The following ATP6V1H variants were observed in gnomAD, a reference collection of about 807,000 sequenced individuals.
ATP6V1H encodes the protein V-type proton ATPase subunit H.
A neutral mutation model predicts 71.7 loss-of-function variants in ATP6V1H; 39 were observed. That is an observed-to-expected ratio of 0.54 (90% CI 0.42 to 0.71). The LOEUF (loss-of-function observed/expected upper bound fraction) is 0.71, where lower values mean the gene tolerates loss of function less well. Ranked by LOEUF, ATP6V1H falls within the 30% of genes least tolerant of loss-of-function variation. ATP6V1H has a pLI of 0.00. For synonymous variants in ATP6V1H, 192 were observed against 199.3 expected (o/e 0.96, Z 0.31); for missense variants, 509 against 594.9 (o/e 0.86, Z 1.50).
chr8:53,823,380 C>T (rs1466355719), intron 4 of ATP6V1H, among the ~76,000 whole-genome samples: 1 of 151,938 alleles, frequency 6.6e-6, no homozygotes, highest in African/African-American at 2.4e-5. Context: ...AAAGGGAACG[C>T]AGAAACTGGA....
chr8:53,747,068 A>C (rs1807627266), intron 12 of ATP6V1H, among the ~76,000 whole-genome samples: 1 of 152,248 alleles, frequency 6.6e-6, no homozygotes, highest in African/African-American at 2.4e-5. Context: ...ACTTTTAAAT[A>C]TTCTAAAACA....
chr8:53,833,292 T>C, intron 2 of ATP6V1H: 1 of 519,276 alleles, frequency 1.9e-6, no homozygotes, highest in Non-Finnish European at 3.4e-6. Context: ...AGTTAATTTA[T>C]CTGCAAAATG....
chr8:53,820,444 G>T (rs867240826), intron 4 of ATP6V1H, among the ~76,000 whole-genome samples: 2 of 151,260 alleles, frequency 1.3e-5, no homozygotes, highest in Non-Finnish European at 1.5e-5. Context: ...CCAAAAGAAA[G>T]TCATCTATTA....
In ATP6V1H at chr8:53,728,895, T is replaced by A. The variant is rs545174128; in HGVS notation, c.1392-12871A>T. ...CAACACACTGTGCTGTCATTTTCTGTACTTGTTGGTCCTCCCACTAACAGA... is the reference window on the plus strand; with the variant it reads ...CAACACACTGTGCTGTCATTTTCTGAACTTGTTGGTCCTCCCACTAACAGA... On this transcript the variant is annotated intron_variant, in intron 13 of 13. Transcript: ENST00000359530. Among the ~76,000 whole-genome samples the A allele has an allele frequency of 2.0e-5, 3 of 152,370 alleles. No individual in the cohort carries two copies. In the South Asian group the frequency reaches 6.2e-4, roughly 32 times the overall value.
intron 4 of ATP6V1H, among the ~76,000 whole-genome samples, chr8:53,818,760 C>T (rs1324183043): frequency 2.0e-5 from 3 of 152,052 alleles, no homozygotes; most frequent in African/African-American, 7.2e-5. Context: ...ATAAGCAATT[C>T]TGTCCAAAAG....
chr8:53,772,216 T>C, intron 9 of ATP6V1H, 49 bp from the exon 10 acceptor site: 1 of 1,444,954 alleles, frequency 6.9e-7, no homozygotes, highest in Non-Finnish European at 9.5e-7. Flanking sequence ...TGTCATGTGA[T>C]GGATTCAGAG....
At chr8:53,818,255 C>G (rs1810517683) in intron 4 of ATP6V1H, among the ~76,000 whole-genome samples, 2 of 152,136 alleles carry the variant, frequency 1.3e-5, no homozygotes, top group East Asian at 3.9e-4. Flanking sequence ...TCTGATTAAA[C>G]TTTTATTAAT....
chr8:53,722,836 TA>T (rs1018302081), intron 13 of ATP6V1H, among the ~76,000 whole-genome samples: 11 of 152,192 alleles, frequency 7.2e-5, no homozygotes, highest in African/African-American at 2.7e-4. Context: ...AAACAAAATT[TA>T]AAGTTATTTT....
intron 12 of ATP6V1H, chr8:53,756,142 C>T (rs556966685): frequency 6.8e-6 from 1 of 146,962 alleles, no homozygotes; most frequent in East Asian, 2.0e-4. Context: ...ACGATCTCAG[C>T]TCACTGCAAC....
intron 13 of ATP6V1H, among the ~76,000 whole-genome samples, chr8:53,741,033 T>C (rs1406439023): frequency 2.6e-5 from 4 of 152,096 alleles, no homozygotes; most frequent in Admixed American, 2.0e-4. Context: ...AGTTAAAACA[T>C]TAAAATTTAA....
chr8:53,764,745 T>C (rs879843561), intron 11 of ATP6V1H, among the ~76,000 whole-genome samples: 7 of 152,140 alleles, frequency 4.6e-5, no homozygotes, highest in Non-Finnish European at 8.8e-5. Context: ...ACAAGGTACA[T>C]CTATGAGTCA....
At chr8:53,841,776 T>TA in intron 1 of ATP6V1H, 51 bp from the exon 2 acceptor site, 2 of 1,500,498 alleles carry the variant, frequency 1.3e-6, no homozygotes, top group Non-Finnish European at 1.8e-6. Context: ...TTCTTTTTTT[T>TA]ACAACTATTA....
At chr8:53,834,040 C>A (rs1486336274) in intron 2 of ATP6V1H, among the ~76,000 whole-genome samples, 2 of 152,186 alleles carry the variant, frequency 1.3e-5, no homozygotes, top group East Asian at 1.9e-4. Flanking sequence ...TAAATACAGA[C>A]CCTTCCTTGT....
At chr8:53,716,074 A>C (rs1400538136) in intron 13 of ATP6V1H, 50 bp from the exon 14 acceptor site, 1 of 1,473,170 alleles carries the variant, frequency 6.8e-7, no homozygotes, top group Non-Finnish European at 9.4e-7. Flanking sequence ...ATAGCAAAGA[A>C]TCACTTCCAA....
At chr8:53,837,795 A>G (rs1465571500) in intron 2 of ATP6V1H, among the ~76,000 whole-genome samples, 1 of 152,178 alleles carries the variant, frequency 6.6e-6, no homozygotes, top group Non-Finnish European at 1.5e-5. Flanking sequence ...AACAGGCAAT[A>G]ACAACAGAGC....
chr8:53,824,542 T>G (rs925543574), intron 4 of ATP6V1H, among the ~76,000 whole-genome samples: 6 of 152,138 alleles, frequency 3.9e-5, no homozygotes, highest in Admixed American at 3.9e-4. Flanking sequence ...GGATTTAACC[T>G]CGAATGCAAG....
At chr8:53,736,246 C>G (rs1807199538) in intron 13 of ATP6V1H, among the ~76,000 whole-genome samples, 1 of 152,160 alleles carries the variant, frequency 6.6e-6, no homozygotes, top group African/African-American at 2.4e-5. Flanking sequence ...GGCCCAGCAG[C>G]ATTTCCAAGT....
At chr8:53,823,367 G>A (rs1480030727) in intron 4 of ATP6V1H, among the ~76,000 whole-genome samples, 2 of 152,144 alleles carry the variant, frequency 1.3e-5, no homozygotes, top group Non-Finnish European at 2.9e-5. Context: ...ACAACCCTCT[G>A]TGAAAGGGAA....
intron 7 of ATP6V1H, among the ~76,000 whole-genome samples, chr8:53,805,221 A>G (rs1484028261): frequency 6.6e-6 from 1 of 152,218 alleles, no homozygotes; most frequent in East Asian, 1.9e-4. Flanking sequence ...CGCACTTGAG[A>G]AAACAAGTCT....
Sources: allele counts gnomAD v4.1 joint callset (sites outside exome capture counted in the v4.1 genomes callset), GRCh38; gene constraint gnomAD v4.1.1; transcripts MANE v1.5; gene names NCBI Gene and HGNC (gene_info 2026-07-23, HGNC 2026-07-21).